Variants in EYA3 observed in about 807,000 individuals in gnomAD.
EYA3 encodes the protein EYA transcriptional coactivator and phosphatase 3.
A neutral mutation model predicts 80.0 loss-of-function variants in EYA3; 39 were observed. The ratio of observed to expected loss-of-function variants is 0.49; its 90% CI spans 0.38 to 0.64. The LOEUF (loss-of-function observed/expected upper bound fraction) is 0.64, where lower values mean the gene tolerates loss of function less well. Among genes scored for constraint, EYA3 ranks in the 30% least tolerant of loss-of-function variants. EYA3 has a pLI of 0.00. For synonymous variants in EYA3, 206 were observed against 232.8 expected, an observed-to-expected ratio of 0.88 and a Z score of 1.05; for missense variants, 523 against 676.1, an observed-to-expected ratio of 0.77 and a Z score of 2.51.
In EYA3 at chr1:28,011,061, C is replaced by CTTGT. The variant is rs755242467; in HGVS notation, c.794_795insACAA (p.Ser266GlnfsTer8). 8 of 1,613,206 alleles carry CTTGT rather than the reference C, an allele frequency of 5.0e-6. 1 individual carries two copies. In the Admixed American group the frequency reaches 1.3e-4, roughly 27 times the overall value. On this transcript the variant is annotated frameshift_variant, in exon 10 of 18. Transcript: ENST00000373871. LOFTEE classifies it high-confidence loss of function. ...TATCTTTACTTGGTGTAGTCTGGGA[C>CTTGT]AAAGATGGACTTGTAGAAGGGTCTC...
intron 1 of EYA3, among the ~76,000 whole-genome samples, chr1:28,063,464 C>A (rs1644717825): frequency 1.4e-5 from 2 of 144,086 alleles, no homozygotes; most frequent in South Asian, 2.2e-4. Flanking sequence ...TTAAGCAATT[C>A]TCATGCCTCA....
intron 1 of EYA3, 71 bp from the exon 2 acceptor site, chr1:28,058,165 GATT>G (rs1442752098): frequency 1.1e-5 from 6 of 570,720 alleles, no homozygotes; most frequent in Admixed American, 6.3e-5. Context: ...ATCAGAGAAT[GATT>G]TTTTAGTATC....
chr1:28,074,325 T>C (rs1228832940), intron 1 of EYA3, among the ~76,000 whole-genome samples: 2 of 152,140 alleles, frequency 1.3e-5, no homozygotes, highest in African/African-American at 4.8e-5. Context: ...ATACCTAAAA[T>C]AGAAGTTAGT....
chr1:27,983,447 G>A (rs565076689), intron 16 of EYA3, among the ~76,000 whole-genome samples: 1 of 152,156 alleles, frequency 6.6e-6, no homozygotes, highest in Non-Finnish European at 1.5e-5. Context: ...TTAAGTTTTT[G>A]TCTATCTGAT....
rs141481992 is a variant in EYA3 at position 27,990,212 on chromosome 1, G to A, written c.1304-401C>T. On this transcript the variant is annotated intron_variant, in intron 14 of 17. Coordinates refer to ENST00000373871, the MANE Select transcript of EYA3 (RefSeq NM_001990.4). ...GACCACAGGGATGTCGAGGAACAGG[G>A]TACAGATGTTCAAGCACTTGGTGGT... The A allele has an allele frequency of 2.8e-3, 470 of 168,854 alleles. 2 individuals are homozygous for A. The highest frequency in any genetic ancestry group is 0.01 in the African/African-American group (434 of 41,950). The allele number at this position is 168,854 out of a possible 1,614,324, so 10.5% of individuals were successfully genotyped here.
intron 1 of EYA3, among the ~76,000 whole-genome samples, chr1:28,064,036 C>G (rs1486903418): frequency 6.6e-6 from 1 of 151,768 alleles, no homozygotes; most frequent in Non-Finnish European, 1.5e-5. Flanking sequence ...TTCACTCATT[C>G]AATGTTAAAA....
At chr1:27,976,331 G>A (rs777520669) in intron 17 of EYA3, among the ~76,000 whole-genome samples, 1 of 130,780 alleles carries the variant, frequency 7.6e-6, no homozygotes, top group Non-Finnish European at 1.8e-5. Context: ...GTGGTGGTGT[G>A]CACCTGTAGT....
At position 28,027,935 on chromosome 1, in the gene EYA3, G is replaced by C; in HGVS notation, c.362-9C>G. Reference sequence around the variant, plus strand: ...ACCTGGCCACAATGCACCTGAATCAGATAAATTGGACCAATTACAAACAAT... The same window carrying C: ...ACCTGGCCACAATGCACCTGAATCACATAAATTGGACCAATTACAAACAAT... On this transcript the variant is annotated splice_polypyrimidine_tract_variant and intron_variant, in intron 6 of 17. Coordinates refer to ENST00000373871, the MANE Select transcript of EYA3 (RefSeq NM_001990.4). 1 of 1,614,002 alleles carries C rather than the reference G, an allele frequency of 6.2e-7. No individual in the cohort carries two copies. Among genetic ancestry groups the C allele is most frequent in the South Asian group, 1.1e-5 (1 of 91,080 alleles).
At chr1:28,052,156 G>A (rs910815726) in intron 2 of EYA3, among the ~76,000 whole-genome samples, 18 of 152,018 alleles carry the variant, frequency 1.2e-4, no homozygotes, top group Admixed American at 4.6e-4. Flanking sequence ...CTACAGGTGC[G>A]TGCCACCATG....
intron 12 of EYA3, among the ~76,000 whole-genome samples, chr1:27,999,066 G>T (rs1030055439): frequency 2.0e-5 from 3 of 152,202 alleles, no homozygotes; most frequent in Admixed American, 2.0e-4. Context: ...ACCACGCCCA[G>T]CCTATAAAAT....
At chr1:28,059,083 A>C (rs192994363) in intron 1 of EYA3, among the ~76,000 whole-genome samples, 1 of 152,232 alleles carries the variant, frequency 6.6e-6, no homozygotes, top group African/African-American at 2.4e-5. Context: ...AAAATAGACA[A>C]ATAACAAGAA....
At chr1:28,081,659 TA>T (rs1645433447) in intron 1 of EYA3, among the ~76,000 whole-genome samples, 1 of 152,162 alleles carries the variant, frequency 6.6e-6, no homozygotes, top group Non-Finnish European at 1.5e-5. Context: ...TGTGCTAAAT[TA>T]AATGTTCCTC....
chr1:28,051,560 G>A (rs1442841394), intron 2 of EYA3, among the ~76,000 whole-genome samples: 7 of 152,034 alleles, frequency 4.6e-5, no homozygotes, highest in African/African-American at 1.7e-4. Flanking sequence ...GGTGGTGCAC[G>A]CCTATAATCT....
chr1:28,082,697 T>C (rs1645473789), intron 1 of EYA3, among the ~76,000 whole-genome samples: 1 of 152,116 alleles, frequency 6.6e-6, no homozygotes, highest in Non-Finnish European at 1.5e-5. Flanking sequence ...GTTGTTAAAT[T>C]CATATGGGAA....
rs940819191 is a variant in EYA3, at chr1:27,995,335, C to A, written c.1143-1775G>T. Among the ~76,000 whole-genome samples the A allele has an allele frequency of 3.6e-5, 5 of 137,566 alleles. No individual in the cohort carries two copies. In the South Asian group the frequency reaches 1.2e-3, roughly 32 times the overall value. 90.2% of individuals were successfully genotyped at this position (137,566 alleles called of 152,430 possible). On this transcript the variant is annotated intron_variant, in intron 13 of 17. Coordinates refer to ENST00000373871, the MANE Select transcript of EYA3 (RefSeq NM_001990.4). ...GCTGGGGTGGGAGGATCATTTAAGCCTGGGAGGGTGAAGCTACAGCAAGCC... is the reference window on the plus strand; with the variant it reads ...GCTGGGGTGGGAGGATCATTTAAGCATGGGAGGGTGAAGCTACAGCAAGCC...
At chr1:27,978,076 T>C (rs1300645573) in intron 17 of EYA3, among the ~76,000 whole-genome samples, 2 of 152,120 alleles carry the variant, frequency 1.3e-5, no homozygotes, top group Non-Finnish European at 2.9e-5. Context: ...GCACTGTCTT[T>C]GAAGATGGAA....
intron 5 of EYA3, 32 bp downstream of exon 5, chr1:28,038,806 CA>C (rs1338546946): frequency 1.5e-6 from 2 of 1,304,294 alleles, no homozygotes; most frequent in Non-Finnish European, 2.2e-6. Flanking sequence ...ACAGAAAAAG[CA>C]TATGCATTTT....
chr1:28,076,693 AAAG>A (rs1171491004), intron 1 of EYA3, among the ~76,000 whole-genome samples: 6 of 2,306 alleles, frequency 2.6e-3, no homozygotes, highest in African/African-American at 0.014. Flanking sequence ...GAAAGAAAGA[AAAG>A]AAAAAAAATG....
At chr1:28,072,450 C>G (rs189893915) in intron 1 of EYA3, among the ~76,000 whole-genome samples, 137 of 151,964 alleles carry the variant, frequency 9.0e-4, no homozygotes, top group Admixed American at 2.6e-3. Flanking sequence ...GAGACTAGTA[C>G]AGAGAGCCCT....
Sources: gnomAD v4.1 joint callset for allele counts (sites outside exome capture counted in the v4.1 genomes callset) on GRCh38, gnomAD v4.1.1 for gene constraint, MANE v1.5 for transcripts, NCBI Gene and HGNC (gene_info 2026-07-23, HGNC 2026-07-21) for gene names.